The following PCDH9 variants were observed in gnomAD, a reference collection of about 807,000 sequenced individuals.
PCDH9 encodes protocadherin-9.
In PCDH9, 24 loss-of-function variants were observed where a neutral mutation model predicts 70.6. The observed-to-expected ratio is 0.34, with a 90% CI of 0.25 to 0.48. The LOEUF is 0.48. PCDH9 is among the 20% of genes least tolerant of loss of function. The pLI is 0.99. For synonymous variants in PCDH9, 562 were observed against 558.5 expected (o/e 1.01, Z -0.09); for missense variants, 1,281 against 1,503.6 (o/e 0.85, Z 2.45).
At chr13:67,218,631 C>A (rs2089659586) in intron 2 of PCDH9, 2 of 152,022 alleles carry the variant, frequency 1.3e-5, no homozygotes, top group Admixed American at 6.6e-5. Context: ...AGATATTACA[C>A]AAACATGATA....
At chr13:67,016,323 T>C (rs1187160585) in intron 2 of PCDH9, among the ~76,000 whole-genome samples, 1 of 152,196 alleles carries the variant, frequency 6.6e-6, no homozygotes, top group East Asian at 1.9e-4. Flanking sequence ...TGAATTTCCG[T>C]TCATTAACAT....
intron 3 of PCDH9, among the ~76,000 whole-genome samples, chr13:66,747,019 T>A (rs1411501975): frequency 6.6e-6 from 1 of 152,068 alleles, no homozygotes; most frequent in Non-Finnish European, 1.5e-5. Context: ...AAAAACTGTA[T>A]CTATAATGGA....
chr13:66,573,955 G>A (rs2138753804), intron 4 of PCDH9, among the ~76,000 whole-genome samples: 2 of 151,968 alleles, frequency 1.3e-5, no homozygotes, highest in South Asian at 4.2e-4. Flanking sequence ...CCTACTTCTA[G>A]TTTTAACATT....
At chr13:66,416,937 T>C (rs1323589327) in intron 4 of PCDH9, among the ~76,000 whole-genome samples, 1 of 152,158 alleles carries the variant, frequency 6.6e-6, no homozygotes, top group African/African-American at 2.4e-5. Context: ...GGAATAAAAA[T>C]GTTATCAAAT....
chr13:66,846,822 G>C (rs1339019547), intron 3 of PCDH9, among the ~76,000 whole-genome samples: 1 of 151,424 alleles, frequency 6.6e-6, no homozygotes, highest in Non-Finnish European at 1.5e-5. Context: ...AGTAAAACTT[G>C]CTATGAAAGA....
intron 4 of PCDH9, among the ~76,000 whole-genome samples, chr13:66,536,496 T>G (rs1312278528): frequency 2.6e-5 from 4 of 152,146 alleles, no homozygotes; most frequent in Non-Finnish European, 5.9e-5. Flanking sequence ...TAATATTCAA[T>G]TATCACATAT....
intron 3 of PCDH9, among the ~76,000 whole-genome samples, chr13:66,858,477 G>C (rs1046392453): frequency 3.3e-5 from 5 of 152,140 alleles, no homozygotes; most frequent in Admixed American, 6.6e-5. Context: ...CATTGGGCCA[G>C]CCACTTTGAT....
At chr13:66,976,156 C>T (rs930289598) in intron 2 of PCDH9, among the ~76,000 whole-genome samples, 2 of 152,086 alleles carry the variant, frequency 1.3e-5, no homozygotes, top group African/African-American at 4.8e-5. Context: ...ACTGTCTCAT[C>T]CAATCCATCT....
intron 4 of PCDH9, among the ~76,000 whole-genome samples, chr13:66,429,606 G>C (rs1957735319): frequency 6.6e-6 from 1 of 151,478 alleles, no homozygotes; most frequent in African/African-American, 2.4e-5. Context: ...ATCAGAACCT[G>C]GTCTATAAAT....
At chr13:66,811,129 T>C (rs779503386) in intron 3 of PCDH9, among the ~76,000 whole-genome samples, 1 of 152,226 alleles carries the variant, frequency 6.6e-6, no homozygotes, top group Non-Finnish European at 1.5e-5. Context: ...TTTACAAATA[T>C]AATTTTAATT....
At chr13:66,434,852 A>C (rs1957839453) in intron 4 of PCDH9, among the ~76,000 whole-genome samples, 1 of 152,134 alleles carries the variant, frequency 6.6e-6, no homozygotes, top group Non-Finnish European at 1.5e-5. Context: ...TGAGTCTATG[A>C]AACAAAAAAG....
At chr13:66,651,214 T>C (rs2077847304) in intron 3 of PCDH9, among the ~76,000 whole-genome samples, 1 of 151,310 alleles carries the variant, frequency 6.6e-6, no homozygotes, top group East Asian at 1.9e-4. Flanking sequence ...AAAAGTACAA[T>C]TGATCAATCA....
In PCDH9 at chr13:66,327,819, T is replaced by C. The variant is rs73505835; in HGVS notation, c.3341-22791A>G. Among the ~76,000 whole-genome samples, 1,363 of 152,248 alleles carry C rather than the reference T, an allele frequency of 9.0e-3. 22 individuals are homozygous for C. Among genetic ancestry groups the C allele is most frequent in the African/African-American group, 0.031 (1,276 of 41,550 alleles). ...TGTATATAATCATTATAAAGTAAAA[T>C]GAAGGATGTATAACCAATGCATCCC... is the stretch of plus-strand genomic sequence containing the variant. On this transcript the variant is annotated intron_variant, in intron 4 of 4. Coordinates refer to ENST00000377865, the MANE Select transcript of PCDH9 (RefSeq NM_203487.3).
At chr13:66,902,135 G>A (rs1488938487) in intron 3 of PCDH9, among the ~76,000 whole-genome samples, 1 of 151,478 alleles carries the variant, frequency 6.6e-6, no homozygotes, top group South Asian at 2.1e-4. Context: ...AAAATCAAAG[G>A]GTTGGAAACT....
rs188318202 is a variant in PCDH9, at chr13:67,028,154, G to C, written c.3037-124549C>G. The stretch of plus-strand genomic sequence containing the variant: ...TTGCGGCACTATTCACAATAGCAAA[G>C]ACTTGGAAACAACCCAAATGTCCAA... On this transcript the variant is annotated intron_variant, in intron 2 of 4. Coordinates refer to ENST00000377865, the MANE Select transcript of PCDH9 (RefSeq NM_203487.3). Among the ~76,000 whole-genome samples the C allele has an allele frequency of 7.1e-4, 106 of 148,812 alleles. 3 individuals carry two copies. The East Asian group carries it at 0.018, about 26-fold the overall frequency.
chr13:66,453,685 T>C (rs543477460), intron 4 of PCDH9, among the ~76,000 whole-genome samples: 3 of 152,274 alleles, frequency 2.0e-5, no homozygotes, highest in Non-Finnish European at 2.9e-5. Context: ...AGCAGCCATG[T>C]TTCTGCAGTA....
chr13:66,340,246 G>A (rs994558178), intron 4 of PCDH9, among the ~76,000 whole-genome samples: 1 of 152,164 alleles, frequency 6.6e-6, no homozygotes, highest in Admixed American at 6.5e-5. Flanking sequence ...AAAGTCCTGA[G>A]GAGCTTATCG....
At position 66,425,986 on chromosome 13, in the gene PCDH9, T is replaced by C. The variant is rs1000941838; in HGVS notation, c.3341-120958A>G. On this transcript the variant is annotated intron_variant, in intron 4 of 4. Coordinates refer to ENST00000377865, the MANE Select transcript of PCDH9 (RefSeq NM_203487.3). ...CATCTAAAATATAAATAATGAAAGA[T>C]AAGTTGTAGTCTAATAAATTATAGC... Among the ~76,000 whole-genome samples, 3 of 151,596 alleles carry C rather than the reference T, an allele frequency of 2.0e-5. No homozygotes were observed. The South Asian group carries it at 6.2e-4, about 31-fold the overall frequency.
At chr13:66,500,143 T>G (rs546901778) in intron 4 of PCDH9, among the ~76,000 whole-genome samples, 5 of 152,346 alleles carry the variant, frequency 3.3e-5, no homozygotes, top group African/African-American at 1.2e-4. Context: ...TTAGATAATA[T>G]AGCATTAATA....
Sources: gnomAD v4.1 joint callset for allele counts (sites outside exome capture counted in the v4.1 genomes callset) on GRCh38, gnomAD v4.1.1 for gene constraint, MANE v1.5 for transcripts, NCBI Gene and HGNC (gene_info 2026-07-23, HGNC 2026-07-21) for gene names.